CYP26B1: variants seen among roughly 807,000 people sequenced by gnomAD.
CYP26B1 encodes the protein cytochrome P450 26B1.
A neutral mutation model predicts 39.1 loss-of-function variants in CYP26B1; 8 were observed. That is an observed-to-expected ratio of 0.20 (90% CI 0.12 to 0.37). CYP26B1 has a LOEUF of 0.37. CYP26B1 is among the 10% of genes least tolerant of loss of function. CYP26B1 has a pLI of 1.00. For missense variants in CYP26B1, 615 were observed against 707.0 expected (o/e 0.87, Z 1.48); for synonymous variants, 321 against 314.3 (o/e 1.02, Z -0.23).
intron 2 of CYP26B1, chr2:72,143,001 C>T (rs1676986801): frequency 6.0e-6 from 1 of 167,146 alleles, no homozygotes; most frequent in East Asian, 1.9e-4. Context: ...GAGCGCTCCC[C>T]ACCTTCGCCA....
At position 72,134,116 on chromosome 2, in the gene CYP26B1, T is replaced by C. The variant is rs77317602; in HGVS notation, c.861+645A>G. On this transcript the variant is annotated intron_variant, in intron 4 of 5. Transcript: ENST00000001146. ...TCTTCCTAGCTCCCCAGGAAAGAAGTTGGAGCTAGAATATGGGGAGGCAAA... is the reference window on the plus strand; with the variant it reads ...TCTTCCTAGCTCCCCAGGAAAGAAGCTGGAGCTAGAATATGGGGAGGCAAA... Among the ~76,000 whole-genome samples the C allele has an allele frequency of 4.2e-3, 638 of 152,170 alleles. 21 individuals are homozygous for C. The East Asian group carries it at 0.093, about 22-fold the overall frequency.
At position 72,147,474 on chromosome 2, in the gene CYP26B1, G is replaced by A. The variant is rs539822722; in HGVS notation, c.204+157C>T. Among the ~76,000 whole-genome samples, 3 of 152,326 alleles carry A rather than the reference G, an allele frequency of 2.0e-5. No individual in the cohort carries two copies. The South Asian group carries it at 6.2e-4, about 32-fold the overall frequency. On this transcript the variant is annotated intron_variant, in intron 1 of 5. Coordinates refer to ENST00000001146, the MANE Select transcript of CYP26B1 (RefSeq NM_019885.4). This position sits in a 1 kb window ranked among gnomAD's most constrained non-coding sequence, Gnocchi z 6.1. Reference sequence around the variant, plus strand: ...CCCGGAACCGCGCTGCCGGCGGGCTGGGGAAGCCCGGGCTGCTGCGGCAGA... The same window carrying A: ...CCCGGAACCGCGCTGCCGGCGGGCTAGGGAAGCCCGGGCTGCTGCGGCAGA...
chr2:72,139,667 G>A (rs924609387), intron 2 of CYP26B1, among the ~76,000 whole-genome samples: 21 of 152,334 alleles, frequency 1.4e-4, no homozygotes, highest in African/African-American at 4.8e-4. Context: ...GACACTTGCC[G>A]AGCCACAGTA....
chr2:72,132,666 G>T lies in CYP26B1; in HGVS notation c.1147-47C>A, dbSNP rs751651001. On this transcript the variant is annotated intron_variant, in intron 5 of 5. Coordinates refer to ENST00000001146, the MANE Select transcript of CYP26B1 (RefSeq NM_019885.4). ...GGAGTGGGTGGTGAGAGCCAGAGGAGCCCACAGAGGGCCCAGGACTGCCCC... is the reference window on the plus strand; with the variant it reads ...GGAGTGGGTGGTGAGAGCCAGAGGATCCCACAGAGGGCCCAGGACTGCCCC... The T allele has an allele frequency of 3.9e-6, 6 of 1,558,364 alleles. No homozygotes were observed. The South Asian group carries it at 5.9e-5, about 15-fold the overall frequency.
In CYP26B1 at chr2:72,132,622, G is replaced by A. The variant is rs1387776625; in HGVS notation, c.1147-3C>T. The A allele has an allele frequency of 1.3e-6, 2 of 1,598,202 alleles. No homozygotes were observed. Among genetic ancestry groups the A allele is most frequent in the Non-Finnish European group, 1.7e-6 (2 of 1,172,758 alleles). Reference sequence around the variant, plus strand: ...CAGCCTTTGGGGATCTGGAAACCCTGGAGCAAGATGGGGGCCGAGGAGTGG... The same window carrying A: ...CAGCCTTTGGGGATCTGGAAACCCTAGAGCAAGATGGGGGCCGAGGAGTGG... On this transcript the variant is annotated splice_region_variant and splice_polypyrimidine_tract_variant and intron_variant, in intron 5 of 5. Transcript: ENST00000001146.
chr2:72,135,987 G>C (rs1391108510), intron 2 of CYP26B1, among the ~76,000 whole-genome samples: 1 of 152,180 alleles, frequency 6.6e-6, no homozygotes, highest in Non-Finnish European at 1.5e-5. Flanking sequence ...CAGAAGCCCT[G>C]TGACTTCCCT....
At chr2:72,146,806 G>T (rs1447837138) in intron 1 of CYP26B1, among the ~76,000 whole-genome samples, 1 of 152,176 alleles carries the variant, frequency 6.6e-6, no homozygotes, top group Admixed American at 6.5e-5. Context: ...CACTTGATGA[G>T]GTGAACTCCA....
At chr2:72,134,609 T>A (rs1676700485) in intron 4 of CYP26B1, 152 bp downstream of exon 4, 1 of 1,272,794 alleles carries the variant, frequency 7.9e-7, no homozygotes. Context: ...AGACTTCGCT[T>A]CCAGTTTCAA....
intron 5 of CYP26B1, 131 bp downstream of exon 5, chr2:72,132,892 A>G: frequency 6.8e-7 from 1 of 1,476,258 alleles, no homozygotes; most frequent in Non-Finnish European, 9.2e-7. Flanking sequence ...TCGGACTGAA[A>G]GCTCCCTGAA....
chr2:72,139,001 G>A (rs1415630175), intron 2 of CYP26B1, among the ~76,000 whole-genome samples: 1 of 152,212 alleles, frequency 6.6e-6, no homozygotes, highest in Admixed American at 6.5e-5. Flanking sequence ...CCCTGGGAGG[G>A]GAGTTGCTCT....
rs757194536 is a variant in CYP26B1 at position 72,135,246 on chromosome 2, G to A, written c.603C>T (p.Ser201=). 3 of 1,613,978 alleles carry A rather than the reference G, an allele frequency of 1.9e-6. No individual in the cohort carries two copies. The South Asian group carries it at 3.3e-5, about 18-fold the overall frequency. The change falls in exon 3 of 6, where the codon AGC becomes AGT. Residue 201 remains serine (S), a synonymous_variant. Transcript: ENST00000001146. The part of the protein sequence containing the change: ...RMAIRVLLGF[S]IPEEDLGHLF... ...GGTGCCCAAGGTCCTCCTCAGGGAT[G>A]CTGAAGCCCAGCAGCACCCGGATGG...
In CYP26B1 at chr2:72,147,716, G is replaced by T. The variant is rs1312651128; in HGVS notation, c.119C>A (p.Thr40Asn). 2 of 1,601,242 alleles carry T rather than the reference G, an allele frequency of 1.2e-6. No individual in the cohort carries two copies. Among genetic ancestry groups the T allele is most frequent in the Non-Finnish European group, 1.7e-6 (2 of 1,174,686 alleles). ...QQLWQLRWAA[T>N]RDKSCKLPIP... is the part of the protein sequence containing the mutation. ...GGGCAGCTTGCAGCTCTTGTCGCGAGTGGCGGCCCAGCGCAGCTGCCACAG... is the reference window on the plus strand; with the variant it reads ...GGGCAGCTTGCAGCTCTTGTCGCGATTGGCGGCCCAGCGCAGCTGCCACAG... Residue 40 changes from threonine to asparagine, a missense_variant, in exon 1 of 6, where the codon ACT (threonine) becomes AAT (asparagine). By Grantham distance (65) the Thr-to-Asn change is moderately conservative. Coordinates refer to ENST00000001146, the MANE Select transcript of CYP26B1 (RefSeq NM_019885.4). The surrounding 1 kb of genome is among the most constrained non-coding windows in gnomAD (Gnocchi z 6.1).
intron 1 of CYP26B1, among the ~76,000 whole-genome samples, chr2:72,146,988 A>G (rs551842561): frequency 6.6e-6 from 1 of 152,168 alleles, no homozygotes; most frequent in Non-Finnish European, 1.5e-5. Flanking sequence ...TCCCCACCCA[A>G]TAAGTAAATA....
intron 2 of CYP26B1, among the ~76,000 whole-genome samples, chr2:72,139,783 G>T (rs1220881367): frequency 6.6e-6 from 1 of 152,242 alleles, no homozygotes; most frequent in Admixed American, 6.5e-5. Context: ...ACAGTCCAGA[G>T]CGTGGCTGGC....
chr2:72,134,570 G>A lies in CYP26B1; in HGVS notation c.861+191C>T, dbSNP rs3768643. 0.047 allele frequency among the ~76,000 whole-genome samples: 7,099 copies of A among 152,254 alleles called. 281 individuals are homozygous for A. The highest frequency in any genetic ancestry group is 0.12 in the Admixed American group (1,842 of 15,310). ...GGGGAGAGAAGGGAGGGTGCCCCAC[G>A]GCATCCTGCACAGCAGGGGTGGGGA... On this transcript the variant is annotated intron_variant, in intron 4 of 5. Coordinates refer to ENST00000001146, the MANE Select transcript of CYP26B1 (RefSeq NM_019885.4).
intron 1 of CYP26B1, chr2:72,144,629 C>G (rs1050132625): frequency 4.5e-5 from 16 of 355,258 alleles, no homozygotes; most frequent in Non-Finnish European, 6.3e-5. Flanking sequence ...TGGCCGCAGG[C>G]CAAAGATTAT....
At chr2:72,141,728 A>G (rs1572928787) in intron 2 of CYP26B1, among the ~76,000 whole-genome samples, 1 of 152,250 alleles carries the variant, frequency 6.6e-6, no homozygotes, top group African/African-American at 2.4e-5. Context: ...ATTTAGAAAC[A>G]GTGGCCCTGA....
Position 72,133,207 on chromosome 2 carries a change from T to G in CYP26B1, c.962A>C (p.Lys321Thr), listed in dbSNP as rs144989898. 3 of 1,612,084 alleles carry G rather than the reference T, an allele frequency of 1.9e-6. No individual in the cohort carries two copies. The African/African-American group carries it at 4.0e-5, about 22-fold the overall frequency. ...QLLKHPTVLE[K>T]LRDELRAHGI... is the part of the protein sequence containing the mutation. ...ATGAGCCCGCAGCTCATCCCGCAGC[T>G]TCTCCAGCACAGTGGGGTGCTTCAG... The change falls in exon 5 of 6, where the codon AAG becomes ACG. Residue 321 changes from lysine to threonine, a missense_variant. Coordinates refer to ENST00000001146, the MANE Select transcript of CYP26B1 (RefSeq NM_019885.4).
At position 72,132,212 on chromosome 2, in the gene CYP26B1, C is replaced by A; in HGVS notation, c.*15G>T. The A allele has an allele frequency of 1.3e-6, 2 of 1,594,074 alleles. No individual in the cohort carries two copies. Among genetic ancestry groups the A allele is most frequent in the South Asian group, 1.1e-5 (1 of 87,652 alleles). On this transcript the variant is annotated 3_prime_UTR_variant, in exon 6 of 6. Coordinates refer to ENST00000001146, the MANE Select transcript of CYP26B1 (RefSeq NM_019885.4). ...CCCCGCTGCCTGGGCTGGGCTGAGG[C>A]GGGTGGGTCTTGGGTTAGACTGTGG...
Sources: allele counts gnomAD v4.1 joint callset (sites outside exome capture counted in the v4.1 genomes callset), GRCh38; gene constraint gnomAD v4.1.1; non-coding constraint Gnocchi (gnomAD v3.1); transcripts MANE v1.5; gene names NCBI Gene and HGNC (gene_info 2026-07-23, HGNC 2026-07-21).